DARS2: variants seen among roughly 807,000 people sequenced by gnomAD.
The protein encoded by DARS2 is aspartyl-tRNA synthetase 2, mitochondrial, also known as aspartate--tRNA ligase, mitochondrial.
A neutral mutation model predicts 83.0 loss-of-function variants in DARS2; 63 were observed. That is an observed-to-expected ratio of 0.76 (90% CI 0.62 to 0.94). The LOEUF (loss-of-function observed/expected upper bound fraction) is 0.94. Among genes scored for constraint, DARS2 ranks in the 40% least tolerant of loss-of-function variants. The probability of loss-of-function intolerance (pLI) is 0.00; values close to 1 mark genes in which losing one functional copy is unlikely to be tolerated. For synonymous variants in DARS2, 250 were observed against 269.3 expected (o/e 0.93, Z 0.70); for missense variants, 675 against 774.4 (o/e 0.87, Z 1.52).
At chr1:173,834,316 G>A (rs1652899345) in intron 6 of DARS2, among the ~76,000 whole-genome samples, 157 bp from the exon 7 acceptor site, 1 of 152,136 alleles carries the variant, frequency 6.6e-6, no homozygotes, top group Non-Finnish European at 1.5e-5. Context: ...TTCCTTCTTA[G>A]ATTTGTAGAA....
Position 173,826,731 on chromosome 1 carries a change from C to G in DARS2, c.172C>G (p.Arg58Gly), listed in dbSNP as rs375700548. Reference sequence around the variant, plus strand: ...CCGGACCAACACATGTGGAGAGTTGCGTTCGTCTCACTTAGGCCAAGAAGT... The same window carrying G: ...CCGGACCAACACATGTGGAGAGTTGGGTTCGTCTCACTTAGGCCAAGAAGT... ...VVRTNTCGEL[R>G]SSHLGQEVTL... The change falls in exon 2 of 17, where the codon CGT (arginine) becomes GGT (glycine). Residue 58 changes from arginine to glycine, a missense_variant. Arg to Gly is a moderately radical substitution (Grantham distance 125). Coordinates refer to ENST00000649689, the MANE Select transcript of DARS2 (RefSeq NM_018122.5). The G allele has an allele frequency of 5.9e-5, 95 of 1,609,978 alleles. No homozygotes were observed. Among genetic ancestry groups the G allele is most frequent in the Non-Finnish European group, 7.7e-5 (91 of 1,179,334 alleles).
At chr1:173,846,362 C>T (rs1364972663) in intron 12 of DARS2, among the ~76,000 whole-genome samples, 1 of 151,962 alleles carries the variant, frequency 6.6e-6, no homozygotes, top group Non-Finnish European at 1.5e-5. Context: ...GGCATAGTGG[C>T]ACATGTCTGT....
intron 7 of DARS2, 49 bp from the exon 8 acceptor site, chr1:173,836,889 GTT>G: frequency 4.6e-6 from 7 of 1,508,022 alleles, no homozygotes; most frequent in Non-Finnish European, 6.4e-6. Context: ...CTTTGGGTTT[GTT>G]TTTGTTTTTT....
chr1:173,848,437 G>A (rs903631520), intron 12 of DARS2, among the ~76,000 whole-genome samples: 1 of 152,236 alleles, frequency 6.6e-6, no homozygotes, highest in African/African-American at 2.4e-5. Flanking sequence ...GCATTGTTCG[G>A]TGTAGTTGTT....
intron 7 of DARS2, among the ~76,000 whole-genome samples, chr1:173,835,907 A>C (rs1042985230): frequency 1.3e-5 from 2 of 152,048 alleles, no homozygotes; most frequent in Admixed American, 6.6e-5. Flanking sequence ...TACAAAAAAA[A>C]TTAGCTGGGC....
intron 6 of DARS2, 97 bp downstream of exon 6, chr1:173,833,596 A>C: frequency 6.8e-7 from 1 of 1,478,760 alleles, no homozygotes; most frequent in Non-Finnish European, 9.4e-7. Flanking sequence ...TGAGGTCAAG[A>C]TGTTGCCAGA....
chr1:173,845,616 C>A (rs1159791303), intron 12 of DARS2, among the ~76,000 whole-genome samples: 5 of 152,090 alleles, frequency 3.3e-5, no homozygotes, highest in Non-Finnish European at 7.4e-5. Context: ...CTAGTCCCAG[C>A]TACTTAGGAG....
chr1:173,848,457 T>C (rs553085331), intron 12 of DARS2, among the ~76,000 whole-genome samples: 4 of 152,372 alleles, frequency 2.6e-5, no homozygotes, highest in African/African-American at 9.6e-5. Context: ...TGCTAGCCAA[T>C]GTCGCTAGTG....
chr1:173,842,997 A>AT (rs1321138986), intron 11 of DARS2, among the ~76,000 whole-genome samples: 1 of 151,918 alleles, frequency 6.6e-6, no homozygotes, highest in Non-Finnish European at 1.5e-5. Flanking sequence ...CATAAGAAAT[A>AT]TGTTCAGGTA....
Position 173,830,731 on chromosome 1 carries a change from C to A in DARS2, c.366C>A (p.Val122=), listed in dbSNP as rs977529982. 1.9e-6 allele frequency: 3 copies of A among 1,613,840 alleles called. No individual in the cohort carries two copies. The highest frequency in any genetic ancestry group is 1.7e-5 in the Admixed American group (1 of 59,990). The part of the protein sequence containing the change: ...VESVVQVSGT[V]ISRPAGQENP... ...CTGTGGTGCAAGTGTCTGGTACAGT[C>A]ATTTCCCGTCCTGCAGGACAAGAGA... Residue 122 remains valine, a synonymous_variant, in exon 4 of 17, where the codon GTC becomes GTA. Coordinates refer to ENST00000649689, the MANE Select transcript of DARS2 (RefSeq NM_018122.5).
At chr1:173,848,102 C>T (rs1391291162) in intron 12 of DARS2, among the ~76,000 whole-genome samples, 1 of 152,154 alleles carries the variant, frequency 6.6e-6, no homozygotes, top group Admixed American at 6.5e-5. Context: ...ATCCGCCCAC[C>T]TCGGCCTCCC....
At chr1:173,853,300 G>A in intron 13 of DARS2, 49 bp from the exon 14 acceptor site, 1 of 1,580,604 alleles carries the variant, frequency 6.3e-7, no homozygotes, top group Non-Finnish European at 8.7e-7. Context: ...GTCATTTCCT[G>A]CCTGCTCTGT....
At position 173,857,952 on chromosome 1, in the gene DARS2, G is replaced by A; in HGVS notation, c.*247G>A. ...TTGAAGTTCCTTTTTACTTAGGTGT[G>A]AAAGATGGTTCTTTGTTGAAATAAT... On this transcript the variant is annotated 3_prime_UTR_variant, in exon 17 of 17. Coordinates refer to ENST00000649689, the MANE Select transcript of DARS2 (RefSeq NM_018122.5). The A allele has an allele frequency of 2.0e-6, 1 of 508,264 alleles. No homozygotes were observed. Among genetic ancestry groups the A allele is most frequent in the Admixed American group, 3.2e-5 (1 of 31,116 alleles). The allele number at this position is 508,264 out of a possible 1,614,324, so 31.5% of individuals were successfully genotyped here. A position where few individuals can be genotyped will look rare whatever the true frequency, so the allele number is the denominator to read the frequency against.
chr1:173,844,221 A>T (rs951706488), intron 11 of DARS2, among the ~76,000 whole-genome samples: 2 of 152,234 alleles, frequency 1.3e-5, no homozygotes, highest in Non-Finnish European at 2.9e-5. Flanking sequence ...TTTCAAAAGA[A>T]AGATTTTAAG....
intron 15 of DARS2, 76 bp downstream of exon 15, chr1:173,853,981 T>G (rs1283613370): frequency 2.3e-6 from 3 of 1,314,320 alleles, no homozygotes; most frequent in East Asian, 4.7e-5. Context: ...TTGTTGTTGT[T>G]TGCTTGTTTG....
chr1:173,853,763 T>G, intron 14 of DARS2, 32 bp from the exon 15 acceptor site: 1 of 1,596,410 alleles, frequency 6.3e-7, no homozygotes, highest in African/African-American at 1.3e-5. Flanking sequence ...CCAGACATTT[T>G]CTCTAACATA....
At chr1:173,856,022 A>G (rs1653848036) in intron 15 of DARS2, among the ~76,000 whole-genome samples, 5 of 152,046 alleles carry the variant, frequency 3.3e-5, no homozygotes, top group Non-Finnish European at 7.4e-5. Flanking sequence ...GCACCTTACA[A>G]TCAAATCACC....
intron 12 of DARS2, among the ~76,000 whole-genome samples, chr1:173,849,531 CAAA>C (rs574319538): frequency 2.7e-5 from 2 of 73,918 alleles, no homozygotes; most frequent in African/African-American, 4.1e-5. Context: ...GACTCCATCT[CAAA>C]AAAAAAAAAA....
rs774738795 is a variant in DARS2 at position 173,853,437 on chromosome 1, T to C, written c.1433T>C (p.Phe478Ser). The C allele has an allele frequency of 5.1e-5, 82 of 1,613,992 alleles. No homozygotes were observed. Among genetic ancestry groups the C allele is most frequent in the Non-Finnish European group, 6.9e-5 (82 of 1,180,034 alleles). Residue 478 changes from phenylalanine to serine, a missense_variant, in exon 14 of 17, where the codon TTC becomes TCC. Transcript: ENST00000649689. ...CTCCGTGACCCCACTCTGTTCTCTT[T>C]CCTTTGGGTGGTAGATTTCCCACTC... Reference protein sequence around the residue: ...VVLRDPTLFSFLWVVDFPLFL... With the variant: ...VVLRDPTLFSSLWVVDFPLFL...
Sources: gnomAD v4.1 joint callset for allele counts (sites outside exome capture counted in the v4.1 genomes callset) on GRCh38, gnomAD v4.1.1 for gene constraint, MANE v1.5 for transcripts, NCBI Gene and HGNC (gene_info 2026-07-23, HGNC 2026-07-21) for gene names.